Variants in NTNG1 observed in about 807,000 individuals in gnomAD.
NTNG1 encodes the protein netrin-G1.
In NTNG1, 16 loss-of-function variants were observed where a neutral mutation model predicts 54.0. The ratio of observed to expected loss-of-function variants is 0.30; its 90% CI spans 0.20 to 0.45. The LOEUF (loss-of-function observed/expected upper bound fraction) is 0.45, where lower values mean the gene tolerates loss of function less well. NTNG1 is among the 20% of genes least tolerant of loss of function. The pLI, the probability that NTNG1 is intolerant of heterozygous loss-of-function variation, is 1.00. For synonymous variants in NTNG1, 255 were observed against 263.1 expected (o/e 0.97, Z 0.30); for missense variants, 530 against 678.7 (o/e 0.78, Z 2.43).
At chr1:107,309,255 C>G (rs1666864193) in intron 2 of NTNG1, among the ~76,000 whole-genome samples, 1 of 152,144 alleles carries the variant, frequency 6.6e-6, no homozygotes, top group South Asian at 2.1e-4. Flanking sequence ...GTTCTGGACC[C>G]TTTCTGGCTC....
chr1:107,313,940 TG>T (rs1375601860), intron 2 of NTNG1, among the ~76,000 whole-genome samples: 1 of 152,228 alleles, frequency 6.6e-6, no homozygotes. Flanking sequence ...GCAAGCCCTT[TG>T]TTTCCCCACA....
intron 2 of NTNG1, among the ~76,000 whole-genome samples, chr1:107,187,257 C>A (rs1207331035): frequency 6.6e-6 from 1 of 151,952 alleles, no homozygotes; most frequent in Non-Finnish European, 1.5e-5. Context: ...CATTGTTATA[C>A]CCTAGCACCC....
intron 3 of NTNG1, among the ~76,000 whole-genome samples, chr1:107,332,661 G>A (rs1313198007): frequency 6.6e-6 from 1 of 152,038 alleles, no homozygotes; most frequent in Non-Finnish European, 1.5e-5. Context: ...GTGATCAATG[G>A]TTCAGTAAAG....
intron 2 of NTNG1, among the ~76,000 whole-genome samples, chr1:107,262,488 C>T (rs1029024617): frequency 5.3e-5 from 8 of 152,138 alleles, no homozygotes; most frequent in Admixed American, 1.3e-4. Flanking sequence ...GAGTGATCAA[C>T]GAAGGAGTTT....
intron 2 of NTNG1, among the ~76,000 whole-genome samples, chr1:107,235,357 G>A (rs1166930690): frequency 6.6e-6 from 1 of 152,142 alleles, no homozygotes; most frequent in Non-Finnish European, 1.5e-5. Flanking sequence ...GGAGAGACAG[G>A]CACATTAAAA....
chr1:107,463,941 A>G (rs1677438098), intron 7 of NTNG1, among the ~76,000 whole-genome samples: 1 of 152,220 alleles, frequency 6.6e-6, no homozygotes, highest in South Asian at 2.1e-4. Context: ...TTGAAAATAT[A>G]TAATTTATTT....
intron 2 of NTNG1, among the ~76,000 whole-genome samples, chr1:107,149,598 T>C (rs569643893): frequency 1.1e-4 from 16 of 152,190 alleles, no homozygotes; most frequent in Non-Finnish European, 2.2e-4. Flanking sequence ...TCCTTTTTTT[T>C]CTGCATAGAA....
intron 2 of NTNG1, among the ~76,000 whole-genome samples, chr1:107,302,451 ATAT>A (rs893775839): frequency 1.3e-5 from 2 of 152,042 alleles, no homozygotes; most frequent in African/African-American, 2.4e-5. Flanking sequence ...TTCAAGAAAA[ATAT>A]TATTATTATT....
intron 2 of NTNG1, among the ~76,000 whole-genome samples, chr1:107,176,523 T>C (rs1032857866): frequency 6.6e-6 from 1 of 152,122 alleles, no homozygotes; most frequent in Non-Finnish European, 1.5e-5. Context: ...CACGGTTAAG[T>C]GAATTATCTG....
At chr1:107,359,475 G>T (rs1260781708) in intron 3 of NTNG1, among the ~76,000 whole-genome samples, 1 of 152,074 alleles carries the variant, frequency 6.6e-6, no homozygotes, top group East Asian at 1.9e-4. Flanking sequence ...GGCAAACAAA[G>T]GCTTTATAGC....
chr1:107,466,909 C>T (rs1363315915), intron 7 of NTNG1, among the ~76,000 whole-genome samples: 2 of 152,298 alleles, frequency 1.3e-5, no homozygotes, highest in East Asian at 3.9e-4. Context: ...CCCGTAATGA[C>T]TTAATTTCCC....
chr1:107,462,814 A>G (rs1006055026), intron 7 of NTNG1, among the ~76,000 whole-genome samples: 5 of 152,230 alleles, frequency 3.3e-5, no homozygotes, highest in African/African-American at 1.2e-4. Flanking sequence ...GTTGGTACCT[A>G]TTCTCATCTT....
intron 2 of NTNG1, among the ~76,000 whole-genome samples, chr1:107,291,712 A>G (rs968022544): frequency 6.6e-6 from 1 of 152,216 alleles, no homozygotes; most frequent in Non-Finnish European, 1.5e-5. Context: ...ATATAAACTT[A>G]AAAGAAAATA....
intron 7 of NTNG1, 80 bp downstream of exon 7, chr1:107,436,879 T>G (rs1675634150): frequency 3.0e-6 from 4 of 1,336,154 alleles, no homozygotes; most frequent in Middle Eastern, 2.3e-4. Context: ...GTGCAGCTTC[T>G]CAGAGCAGAA....
At chr1:107,475,700 A>T (rs1025760799) in intron 7 of NTNG1, among the ~76,000 whole-genome samples, 1 of 152,186 alleles carries the variant, frequency 6.6e-6, no homozygotes, top group Non-Finnish European at 1.5e-5. Flanking sequence ...GCCCTTCTTC[A>T]TTGCTATGAC....
intron 7 of NTNG1, among the ~76,000 whole-genome samples, chr1:107,468,533 A>G (rs1467819935): frequency 6.6e-6 from 1 of 152,202 alleles, no homozygotes; most frequent in African/African-American, 2.4e-5. Context: ...TGTCTTTCAT[A>G]ATTCCAACAT....
intron 7 of NTNG1, among the ~76,000 whole-genome samples, chr1:107,440,071 G>C (rs529521314): frequency 6.6e-6 from 1 of 151,820 alleles, no homozygotes; most frequent in Non-Finnish European, 1.5e-5. Flanking sequence ...ATGCCAAGCA[G>C]AAAACCAGTG....
At chr1:107,158,415 T>C (rs1234635231) in intron 2 of NTNG1, among the ~76,000 whole-genome samples, 3 of 152,132 alleles carry the variant, frequency 2.0e-5, no homozygotes, top group Non-Finnish European at 4.4e-5. Context: ...AAAAACAGAA[T>C]TGGTTTCTCT....
intron 2 of NTNG1, among the ~76,000 whole-genome samples, chr1:107,224,884 C>T (rs1265210234): frequency 2.0e-5 from 3 of 152,124 alleles, no homozygotes; most frequent in South Asian, 2.1e-4. Context: ...TGAGACCCCC[C>T]TCTGCAAATC....
Sources: allele counts gnomAD v4.1 joint callset (sites outside exome capture counted in the v4.1 genomes callset), GRCh38; gene constraint gnomAD v4.1.1; transcripts MANE v1.5; gene names NCBI Gene and HGNC (gene_info 2026-07-23, HGNC 2026-07-21).